Variants in ADGB observed in about 807,000 individuals in gnomAD.
ADGB encodes the protein calpain-7-like protein.
A neutral mutation model predicts 210.5 loss-of-function variants in ADGB; 172 were observed. The observed-to-expected ratio is 0.82, with a 90% CI of 0.72 to 0.93. The LOEUF is 0.93. ADGB is among the 40% of genes least tolerant of loss of function. The pLI is 0.00. For synonymous variants in ADGB, 658 were observed against 662.7 expected (o/e 0.99, Z 0.11); for missense variants, 2,025 against 1,964.8 (o/e 1.03, Z -0.58).
Position 146,635,540 on chromosome 6 carries a change from A to T in ADGB, c.237+3A>T, listed in dbSNP as rs770047297. 4.6e-6 allele frequency: 7 copies of T among 1,525,436 alleles called. No homozygotes were observed. The highest frequency in any genetic ancestry group is 6.2e-6 in the Non-Finnish European group (7 of 1,136,038). The allele number at this position is 1,525,436 out of a possible 1,614,324, so 94.5% of individuals were successfully genotyped here. A position where few individuals can be genotyped will look rare whatever the true frequency, so the allele number is the denominator to read the frequency against. Reference sequence around the variant, plus strand: ...AAACAGGAAAAAGCCCTGTATTTGTAAGTAGATGTAAATGTGACTAGGTTT... The same window carrying T: ...AAACAGGAAAAAGCCCTGTATTTGTTAGTAGATGTAAATGTGACTAGGTTT... On this transcript the variant is annotated splice_donor_region_variant and intron_variant, in intron 2 of 35. Transcript: ENST00000397944.
chr6:146,619,819 G>T (rs1485951596), intron 1 of ADGB, among the ~76,000 whole-genome samples: 2 of 152,002 alleles, frequency 1.3e-5, no homozygotes, highest in Admixed American at 6.6e-5. Flanking sequence ...ACTTAGCCCA[G>T]TTACAGTTTT....
intron 1 of ADGB, among the ~76,000 whole-genome samples, chr6:146,613,383 T>A (rs1583559148): frequency 6.6e-6 from 1 of 152,354 alleles, no homozygotes; most frequent in South Asian, 2.1e-4. Context: ...AATTGTGTAA[T>A]TCTATTCATA....
chr6:146,788,292 G>T, intron 32 of ADGB, 97 bp from the exon 33 acceptor site: 1 of 1,104,130 alleles, frequency 9.1e-7, no homozygotes, highest in South Asian at 1.4e-5. Flanking sequence ...TGAGTCATCT[G>T]CTCTAAATCT....
At chr6:146,805,965 T>A (rs1337966737) in intron 35 of ADGB, among the ~76,000 whole-genome samples, 1 of 152,238 alleles carries the variant, frequency 6.6e-6, no homozygotes, top group Non-Finnish European at 1.5e-5. Context: ...GATATTCTGT[T>A]TAGATTCACT....
intron 29 of ADGB, among the ~76,000 whole-genome samples, chr6:146,778,127 A>T (rs2114640020): frequency 6.6e-6 from 1 of 152,272 alleles, no homozygotes; most frequent in Admixed American, 6.5e-5. Context: ...CCACAAAGGG[A>T]GCTCTAAAAT....
chr6:146,814,371 A>C (rs940446961), intron 35 of ADGB, among the ~76,000 whole-genome samples: 2 of 152,232 alleles, frequency 1.3e-5, no homozygotes, highest in Non-Finnish European at 2.9e-5. Flanking sequence ...GGAGAAAAGG[A>C]GAAATCAGCA....
rs544174132 is a variant in ADGB, at chr6:146,785,729, A to G, written c.4315+17A>G. On this transcript the variant is annotated intron_variant, in intron 32 of 35. Transcript: ENST00000397944. Reference sequence around the variant, plus strand: ...AAGAAGAAGGTGAGTGGATCCTACCACCCCAGCTGCCTCAGAGCACAGAGC... The same window carrying G: ...AAGAAGAAGGTGAGTGGATCCTACCGCCCCAGCTGCCTCAGAGCACAGAGC... 5.8e-5 allele frequency: 88 copies of G among 1,519,290 alleles called. 1 individual carries two copies. In the South Asian group the frequency reaches 1.0e-3, roughly 18 times the overall value. 94.1% of individuals were successfully genotyped at this position (1,519,290 alleles called of 1,614,324 possible). A position where few individuals can be genotyped will look rare whatever the true frequency, so the allele number is the denominator to read the frequency against.
At chr6:146,803,287 T>A (rs1368998013) in intron 35 of ADGB, 1 of 1,605,624 alleles carries the variant, frequency 6.2e-7, no homozygotes, top group Non-Finnish European at 8.5e-7. Flanking sequence ...AAAAACCCAC[T>A]ATATTTTGAT....
At chr6:146,788,089 G>A (rs116464444) in intron 32 of ADGB, among the ~76,000 whole-genome samples, 3 of 152,282 alleles carry the variant, frequency 2.0e-5, no homozygotes, top group Non-Finnish European at 2.9e-5. Context: ...CTCCAGGGCC[G>A]ACCTTCACAG....
At chr6:146,691,445 A>ATT (rs1419237911) in intron 11 of ADGB, among the ~76,000 whole-genome samples, 155 bp downstream of exon 11, 1 of 16,454 alleles carries the variant, frequency 6.1e-5, no homozygotes, top group East Asian at 1.4e-3. Context: ...TATATATAAA[A>ATT]ATATATATAT....
At chr6:146,726,663 A>G (rs1179189131) in intron 19 of ADGB, among the ~76,000 whole-genome samples, 1 of 152,250 alleles carries the variant, frequency 6.6e-6, no homozygotes, top group African/African-American at 2.4e-5. Context: ...CATGAAGTCT[A>G]TAATGAAGTC....
chr6:146,721,608 C>T (rs541213453), intron 17 of ADGB, 103 bp downstream of exon 17: 48 of 751,998 alleles, frequency 6.4e-5, no homozygotes, highest in African/African-American at 2.8e-4. Flanking sequence ...GAGGCTGAGG[C>T]GGGTGGATCA....
At chr6:146,784,964 T>C (rs561439636) in intron 31 of ADGB, among the ~76,000 whole-genome samples, 170 bp downstream of exon 31, 11 of 152,278 alleles carry the variant, frequency 7.2e-5, no homozygotes, top group African/African-American at 2.6e-4. Flanking sequence ...GGACACATTG[T>C]AAAATGTTAC....
intron 29 of ADGB, among the ~76,000 whole-genome samples, chr6:146,771,682 A>G (rs1777655420): frequency 6.6e-6 from 1 of 152,198 alleles, no homozygotes; most frequent in African/African-American, 2.4e-5. Context: ...AAAGAAGTAG[A>G]TAGAGTATAT....
chr6:146,727,093 T>C (rs971762496), intron 19 of ADGB, among the ~76,000 whole-genome samples: 1 of 151,838 alleles, frequency 6.6e-6, no homozygotes, highest in African/African-American at 2.4e-5. Flanking sequence ...ATGTCCTTTG[T>C]ACACATGCAT....
intron 26 of ADGB, among the ~76,000 whole-genome samples, chr6:146,748,204 T>C (rs985498698): frequency 1.4e-4 from 21 of 152,148 alleles, no homozygotes; most frequent in African/African-American, 5.1e-4. Context: ...GTGTGTTGAA[T>C]GAATGGAAGG....
chr6:146,626,663 A>G (rs971907625), intron 1 of ADGB, among the ~76,000 whole-genome samples: 1 of 151,426 alleles, frequency 6.6e-6, no homozygotes, highest in African/African-American at 2.4e-5. Context: ...CTCTGCATAT[A>G]ATGTTTATTT....
At chr6:146,802,798 A>G in intron 35 of ADGB, 3 of 1,606,962 alleles carry the variant, frequency 1.9e-6, no homozygotes, top group Admixed American at 1.7e-5. Flanking sequence ...AAATCTCTCA[A>G]TGTAACTGTA....
chr6:146,799,529 G>T (rs1421007544), intron 33 of ADGB, among the ~76,000 whole-genome samples: 1 of 112,790 alleles, frequency 8.9e-6, no homozygotes, highest in African/African-American at 3.4e-5. Flanking sequence ...CAAGACTCTG[G>T]GGGGAGAAAA....
Sources: allele counts gnomAD v4.1 joint callset (sites outside exome capture counted in the v4.1 genomes callset), GRCh38; gene constraint gnomAD v4.1.1; transcripts MANE v1.5; gene names NCBI Gene and HGNC (gene_info 2026-07-23, HGNC 2026-07-21).